Variants in MGMT observed in about 807,000 individuals in gnomAD.
MGMT encodes the protein O-6-methylguanine-DNA methyltransferase.
A neutral mutation model predicts 15.9 loss-of-function variants in MGMT; 14 were observed. The observed-to-expected ratio is 0.88, with a 90% CI of 0.58 to 1.37. The LOEUF (loss-of-function observed/expected upper bound fraction) is 1.37, where lower values mean the gene tolerates loss of function less well. MGMT is among the 40% of genes most tolerant of loss of function. MGMT has a pLI of 0.00. For synonymous variants in MGMT, 130 were observed against 118.2 expected, an observed-to-expected ratio of 1.10 and a Z score of -0.65; for missense variants, 282 against 268.1, an observed-to-expected ratio of 1.05 and a Z score of -0.36.
chr10:129,628,364 C>T (rs553547326), intron 2 of MGMT, among the ~76,000 whole-genome samples: 3 of 152,308 alleles, frequency 2.0e-5, no homozygotes, highest in African/African-American at 7.2e-5. Flanking sequence ...TGTTTCCCGA[C>T]ATGTTTCACG....
intron 1 of MGMT, among the ~76,000 whole-genome samples, chr10:129,517,849 TTGAA>T (rs1845756556): frequency 1.3e-5 from 2 of 152,202 alleles, no homozygotes; most frequent in South Asian, 4.1e-4. Flanking sequence ...GGACTGCTGA[TTGAA>T]TGAATGAGTA....
At chr10:129,601,146 C>T (rs201622324) in intron 2 of MGMT, among the ~76,000 whole-genome samples, 2 of 150,706 alleles carry the variant, frequency 1.3e-5, no homozygotes, top group Admixed American at 6.6e-5. Flanking sequence ...TGGGAAGAGG[C>T]GTCAACATTT....
intron 2 of MGMT, among the ~76,000 whole-genome samples, chr10:129,636,211 C>T (rs1347259083): frequency 1.3e-5 from 2 of 152,196 alleles, no homozygotes; most frequent in African/African-American, 4.8e-5. Flanking sequence ...CGTATTTTCT[C>T]ACCCGAGTCC....
chr10:129,721,890 TAAC>T (rs1348756711), intron 3 of MGMT, among the ~76,000 whole-genome samples: 3 of 151,954 alleles, frequency 2.0e-5, no homozygotes, highest in Admixed American at 6.6e-5. Flanking sequence ...ATGGGAAAAA[TAAC>T]AAGTTGGCAG....
At position 129,467,272 on chromosome 10, in the gene MGMT, C is replaced by T. The variant is rs1159077257; in HGVS notation, c.-37C>T. On this transcript the variant is annotated 5_prime_UTR_variant, in exon 1 of 5. Transcript: ENST00000651593. ...TTGCGTCCCGACGCCCGCAGGTCCT[C>T]GCGGTGCGCACCGTTTGCGACTTGG... 1.3e-6 allele frequency: 2 copies of T among 1,544,838 alleles called. No homozygotes were observed. Among genetic ancestry groups the T allele is most frequent in the Non-Finnish European group, 1.7e-6 (2 of 1,145,760 alleles).
chr10:129,752,023 C>T (rs867769287), intron 3 of MGMT, among the ~76,000 whole-genome samples: 34 of 151,996 alleles, frequency 2.2e-4, no homozygotes, highest in African/African-American at 8.2e-4. Flanking sequence ...TAAATCCAAT[C>T]GGTTGATAAT....
At chr10:129,537,399 A>T (rs902235341) in intron 2 of MGMT, among the ~76,000 whole-genome samples, 2 of 152,234 alleles carry the variant, frequency 1.3e-5, no homozygotes, top group African/African-American at 4.8e-5. Flanking sequence ...CCAAAAAATA[A>T]GCAAACCTTT....
intron 2 of MGMT, among the ~76,000 whole-genome samples, chr10:129,644,626 T>C (rs1366746518): frequency 6.6e-6 from 1 of 152,214 alleles, no homozygotes. Flanking sequence ...CCTCAATTCC[T>C]GCTTCCCTTT....
intron 1 of MGMT, among the ~76,000 whole-genome samples, chr10:129,525,463 C>T (rs1018739071): frequency 6.6e-6 from 1 of 152,086 alleles, no homozygotes; most frequent in South Asian, 2.1e-4. Flanking sequence ...GGTGTTATTT[C>T]GATGACTATG....
At chr10:129,721,504 T>A (rs963909331) in intron 3 of MGMT, among the ~76,000 whole-genome samples, 1 of 152,358 alleles carries the variant, frequency 6.6e-6, no homozygotes, top group East Asian at 1.9e-4. Context: ...TGGACAAGTA[T>A]GAAAATTTTC....
intron 2 of MGMT, among the ~76,000 whole-genome samples, chr10:129,671,478 T>A (rs1847722952): frequency 6.6e-6 from 1 of 152,196 alleles, no homozygotes; most frequent in African/African-American, 2.4e-5. Flanking sequence ...CACACTCATT[T>A]GTTTATGTCT....
At chr10:129,547,727 C>G (rs556059751) in intron 2 of MGMT, among the ~76,000 whole-genome samples, 1 of 152,360 alleles carries the variant, frequency 6.6e-6, no homozygotes, top group South Asian at 2.1e-4. Flanking sequence ...AGGAAATGCT[C>G]TGTCTCTGCA....
intron 3 of MGMT, among the ~76,000 whole-genome samples, chr10:129,728,492 A>G (rs1848458973): frequency 6.6e-6 from 1 of 152,002 alleles, no homozygotes; most frequent in Admixed American, 6.6e-5. Flanking sequence ...AGAGGACCTG[A>G]TTATGCCATC....
intron 2 of MGMT, among the ~76,000 whole-genome samples, chr10:129,618,292 C>T (rs931372556): frequency 2.6e-5 from 4 of 152,078 alleles, no homozygotes; most frequent in Non-Finnish European, 4.4e-5. Flanking sequence ...CCAAGCCTTA[C>T]GATAGATGTT....
chr10:129,626,093 A>G (rs516862), intron 2 of MGMT, among the ~76,000 whole-genome samples: 151,916 of 152,260 alleles, frequency 1, 75,787 homozygotes, highest in Middle Eastern at 1. Flanking sequence ...GTACTGGGCC[A>G]ACGGGGCAGC....
intron 3 of MGMT, among the ~76,000 whole-genome samples, chr10:129,713,173 C>T (rs1013150702): frequency 2.0e-5 from 3 of 152,162 alleles, no homozygotes; most frequent in African/African-American, 2.4e-5. Flanking sequence ...TTTGCCACCA[C>T]GTGTGGGTGG....
intron 3 of MGMT, among the ~76,000 whole-genome samples, chr10:129,743,487 C>T (rs1266387480): frequency 6.6e-6 from 1 of 152,224 alleles, no homozygotes; most frequent in East Asian, 1.9e-4. Flanking sequence ...GCCTCACCGG[C>T]CCACAGTTCT....
At chr10:129,535,038 G>T (rs778583792) in intron 1 of MGMT, among the ~76,000 whole-genome samples, 3 of 152,202 alleles carry the variant, frequency 2.0e-5, no homozygotes, top group Non-Finnish European at 4.4e-5. Context: ...ACAAAGACAG[G>T]TGCAGTGAGT....
At chr10:129,559,222 A>C (rs1846250047) in intron 2 of MGMT, among the ~76,000 whole-genome samples, 1 of 152,214 alleles carries the variant, frequency 6.6e-6, no homozygotes, top group East Asian at 1.9e-4. Context: ...CAACTTAGGC[A>C]ATACATTTAC....
Sources: allele counts gnomAD v4.1 joint callset (sites outside exome capture counted in the v4.1 genomes callset), GRCh38; gene constraint gnomAD v4.1.1; transcripts MANE v1.5; gene names NCBI Gene and HGNC (gene_info 2026-07-23, HGNC 2026-07-21).